Variants in NR6A1 observed in about 807,000 individuals in gnomAD.
The protein encoded by NR6A1 is retinoic acid receptor-related testis-associated receptor.
In NR6A1, 7 loss-of-function variants were observed where a neutral mutation model predicts 59.1. The ratio of observed to expected loss-of-function variants is 0.12; its 90% CI spans 0.07 to 0.22. The LOEUF (loss-of-function observed/expected upper bound fraction) is 0.22, where lower values mean the gene tolerates loss of function less well. NR6A1 is among the 10% of genes least tolerant of loss of function. The pLI is 1.00. For missense variants in NR6A1, 468 were observed against 611.6 expected (o/e 0.77, Z 2.48); for synonymous variants, 243 against 236.1 (o/e 1.03, Z -0.27).
At chr9:124,527,012 G>A in intron 7 of NR6A1, 112 bp from the exon 8 acceptor site, 1 of 1,326,966 alleles carries the variant, frequency 7.5e-7, no homozygotes, top group Non-Finnish European at 1.0e-6. Context: ...GGGGGAAATG[G>A]GATCCAAAGC....
At position 124,637,817 on chromosome 9, in the gene NR6A1, G is replaced by C. The variant is rs550437574; in HGVS notation, c.143-83247C>G. On this transcript the variant is annotated intron_variant, in intron 2 of 9. Coordinates refer to ENST00000487099, the MANE Select transcript of NR6A1 (RefSeq NM_033334.4). ...TGAGGCACGATAATTGCTTGAACCT[G>C]GGAGGCAGAAGTTGCAGTGAGCTGA... Among the ~76,000 whole-genome samples, 3 of 151,154 alleles carry C rather than the reference G, an allele frequency of 2.0e-5. No homozygotes were observed. The East Asian group carries it at 5.8e-4, about 29-fold the overall frequency.
intron 2 of NR6A1, among the ~76,000 whole-genome samples, chr9:124,648,997 G>A (rs1837017566): frequency 6.6e-6 from 1 of 151,854 alleles, no homozygotes; most frequent in East Asian, 1.9e-4. Flanking sequence ...TAAAGTGAAA[G>A]GATATTGTTA....
rs1832719171 is a variant in NR6A1 at position 124,517,754 on chromosome 9, CCA to C, written c.*4949_*4950del. ...TGGCTGGGTAGGTGGGAAGGAATCC[CCA>C]GACACAGCCCAGACATCACAATGCA... On this transcript the variant is annotated 3_prime_UTR_variant, in exon 10 of 10. Coordinates refer to ENST00000487099, the MANE Select transcript of NR6A1 (RefSeq NM_033334.4). 6.6e-6 allele frequency: 1 copy of C among 152,146 alleles called. No homozygotes were observed. 9.4% of individuals were successfully genotyped at this position (152,146 alleles called of 1,614,324 possible).
intron 2 of NR6A1, among the ~76,000 whole-genome samples, chr9:124,719,770 A>G (rs924257672): frequency 6.6e-6 from 1 of 151,982 alleles, no homozygotes; most frequent in Non-Finnish European, 1.5e-5. Context: ...AAACACAAAG[A>G]TTAGCCCACC....
intron 2 of NR6A1, among the ~76,000 whole-genome samples, chr9:124,723,514 C>A (rs895383763): frequency 1.3e-5 from 2 of 152,172 alleles, no homozygotes; most frequent in African/African-American, 2.4e-5. Context: ...ACTCTGAACA[C>A]GCCCAATCTC....
intron 1 of NR6A1, among the ~76,000 whole-genome samples, chr9:124,769,657 C>A (rs1262334455): frequency 6.6e-6 from 1 of 152,202 alleles, no homozygotes; most frequent in Non-Finnish European, 1.5e-5. Context: ...CAGAGAACTG[C>A]GAGTTTATGG....
At chr9:124,585,639 G>A (rs1834908645) in intron 2 of NR6A1, among the ~76,000 whole-genome samples, 1 of 151,832 alleles carries the variant, frequency 6.6e-6, no homozygotes, top group Non-Finnish European at 1.5e-5. Flanking sequence ...GATGAAGGTG[G>A]CTACACTAAA....
At chr9:124,567,631 T>C (rs1286182966) in intron 2 of NR6A1, among the ~76,000 whole-genome samples, 2 of 151,878 alleles carry the variant, frequency 1.3e-5, no homozygotes, top group East Asian at 3.9e-4. Flanking sequence ...AACAAAAAAG[T>C]GTGCAGAATA....
At chr9:124,559,365 T>C (rs758308403) in intron 2 of NR6A1, among the ~76,000 whole-genome samples, 1 of 152,234 alleles carries the variant, frequency 6.6e-6, no homozygotes, top group Non-Finnish European at 1.5e-5. Context: ...CTTTTCTTTA[T>C]ATGGAGCCAA....
intron 2 of NR6A1, among the ~76,000 whole-genome samples, chr9:124,561,766 G>A (rs763199629): frequency 5.9e-5 from 9 of 152,032 alleles, no homozygotes; most frequent in Admixed American, 2.0e-4. Context: ...ACAAAAATCA[G>A]CCAGGCATGG....
At chr9:124,685,867 C>T (rs1462785295) in intron 2 of NR6A1, among the ~76,000 whole-genome samples, 1 of 152,100 alleles carries the variant, frequency 6.6e-6, no homozygotes, top group Non-Finnish European at 1.5e-5. Flanking sequence ...CAATAGTTTG[C>T]CCAAACTAGT....
intron 3 of NR6A1, among the ~76,000 whole-genome samples, chr9:124,544,885 A>G (rs967213244): frequency 6.6e-6 from 1 of 152,224 alleles, no homozygotes; most frequent in African/African-American, 2.4e-5. Flanking sequence ...TTTTTAAAAA[A>G]TCTTTCTGAC....
chr9:124,689,315 C>T (rs911249978), intron 2 of NR6A1, among the ~76,000 whole-genome samples: 6 of 152,074 alleles, frequency 3.9e-5, no homozygotes, highest in African/African-American at 1.4e-4. Flanking sequence ...AATTCAAAGT[C>T]ACGATTCTGG....
chr9:124,628,768 G>C (rs1409886684), intron 2 of NR6A1, among the ~76,000 whole-genome samples: 1 of 152,090 alleles, frequency 6.6e-6, no homozygotes, highest in Admixed American at 6.5e-5. Flanking sequence ...AGTCTCCTGA[G>C]TAGCTGGGAC....
intron 2 of NR6A1, among the ~76,000 whole-genome samples, chr9:124,605,649 T>C (rs530958381): frequency 6.6e-6 from 1 of 152,204 alleles, no homozygotes; most frequent in East Asian, 1.9e-4. Flanking sequence ...TAAGGATACA[T>C]ACTGGAATAT....
intron 2 of NR6A1, among the ~76,000 whole-genome samples, chr9:124,714,112 C>A (rs1287822460): frequency 6.6e-6 from 1 of 152,138 alleles, no homozygotes; most frequent in Non-Finnish European, 1.5e-5. Flanking sequence ...ACTTTAGGCA[C>A]ATTATGCTAA....
At chr9:124,567,469 C>T (rs1834294953) in intron 2 of NR6A1, among the ~76,000 whole-genome samples, 1 of 152,048 alleles carries the variant, frequency 6.6e-6, no homozygotes, top group African/African-American at 2.4e-5. Context: ...AATGCAACAT[C>T]AAAACATATG....
chr9:124,561,358 A>G (rs939915312), intron 2 of NR6A1, among the ~76,000 whole-genome samples: 5 of 152,078 alleles, frequency 3.3e-5, no homozygotes, highest in African/African-American at 1.2e-4. Context: ...GTATCACCTG[A>G]GCCCAGGTGG....
At chr9:124,724,164 G>A (rs559843796) in intron 2 of NR6A1, among the ~76,000 whole-genome samples, 1 of 151,904 alleles carries the variant, frequency 6.6e-6, no homozygotes, top group Non-Finnish European at 1.5e-5. Flanking sequence ...ACAGAGTGGG[G>A]GAAAACAAAC....
Sources: allele counts gnomAD v4.1 joint callset (sites outside exome capture counted in the v4.1 genomes callset), GRCh38; gene constraint gnomAD v4.1.1; transcripts MANE v1.5; gene names NCBI Gene and HGNC (gene_info 2026-07-23, HGNC 2026-07-21).